Variants in CERS6 observed in about 807,000 individuals in gnomAD.
CERS6 encodes ceramide synthase 6, also known as LAG1 homolog, ceramide synthase 6.
A neutral mutation model predicts 56.8 loss-of-function variants in CERS6; 26 were observed. That is an observed-to-expected ratio of 0.46 (90% CI 0.34 to 0.63). The LOEUF is 0.63. Ranked by LOEUF, CERS6 falls within the 30% of genes least tolerant of loss-of-function variation. The pLI, the probability that CERS6 is intolerant of heterozygous loss-of-function variation, is 0.01. For missense variants in CERS6, 415 were observed against 467.5 expected, an observed-to-expected ratio of 0.89 and a Z score of 1.04; for synonymous variants, 164 against 173.3, an observed-to-expected ratio of 0.95 and a Z score of 0.42.
chr2:168,760,738 G>GTTTA (rs80269147), intron 8 of CERS6, among the ~76,000 whole-genome samples: 16,661 of 129,280 alleles, frequency 0.13, 1,644 homozygotes, highest in African/African-American at 0.27. Context: ...TTTACTGTTT[G>GTTTA]TTTATTTATT....
intron 1 of CERS6, among the ~76,000 whole-genome samples, chr2:168,517,438 G>A (rs1383679188): frequency 1.3e-5 from 2 of 151,718 alleles, no homozygotes; most frequent in East Asian, 1.9e-4. Flanking sequence ...GTCACAGTGA[G>A]CCGAGATCAT....
At chr2:168,518,881 A>G (rs138361870) in intron 1 of CERS6, among the ~76,000 whole-genome samples, 2,021 of 152,088 alleles carry the variant, frequency 0.013, 35 homozygotes, top group South Asian at 0.048. Context: ...TCCTTTATGC[A>G]TCTCTCCCAA....
intron 1 of CERS6, among the ~76,000 whole-genome samples, chr2:168,472,877 G>A (rs1024299672): frequency 6.6e-6 from 1 of 151,016 alleles, no homozygotes; most frequent in African/African-American, 2.4e-5. Context: ...GGAAACAAAG[G>A]TATCCGATAC....
At chr2:168,596,780 G>A (rs1362670237) in intron 3 of CERS6, among the ~76,000 whole-genome samples, 2 of 151,934 alleles carry the variant, frequency 1.3e-5, no homozygotes, top group Non-Finnish European at 2.9e-5. Flanking sequence ...GATCATGAAC[G>A]CTTGGCGTCC....
chr2:168,759,375 G>C (rs13412953), intron 8 of CERS6, among the ~76,000 whole-genome samples: 3,596 of 152,270 alleles, frequency 0.024, 58 homozygotes, highest in Non-Finnish European at 0.035. Flanking sequence ...ACAAACCCGC[G>C]TGAGTATGTA....
chr2:168,735,197 C>A lies in CERS6; in HGVS notation c.845+17219C>A, dbSNP rs529764579. ...CTTTGATTATTCAGTCAGTGTAGGA[C>A]TTTTTAACTCCGTGCCAGGCTCATT... On this transcript the variant is annotated intron_variant, in intron 8 of 9. Coordinates refer to ENST00000305747, the MANE Select transcript of CERS6 (RefSeq NM_203463.3). 5.9e-5 allele frequency among the ~76,000 whole-genome samples: 9 copies of A among 152,140 alleles called. No individual in the cohort carries two copies. In the East Asian group the frequency reaches 1.7e-3, roughly 29 times the overall value.
intron 8 of CERS6, among the ~76,000 whole-genome samples, chr2:168,758,733 G>A (rs1474353532): frequency 6.6e-6 from 1 of 152,148 alleles, no homozygotes; most frequent in Non-Finnish European, 1.5e-5. Context: ...CTCTTACTTG[G>A]AAGTCGCATG....
intron 3 of CERS6, among the ~76,000 whole-genome samples, chr2:168,592,189 G>A (rs761716954): frequency 3.9e-5 from 6 of 152,204 alleles, no homozygotes; most frequent in Non-Finnish European, 8.8e-5. Flanking sequence ...AGTGAACAAT[G>A]TTTTTAAGGA....
intron 3 of CERS6, among the ~76,000 whole-genome samples, chr2:168,563,175 T>C (rs1695823047): frequency 6.6e-6 from 1 of 152,212 alleles, no homozygotes; most frequent in Non-Finnish European, 1.5e-5. Flanking sequence ...GGCAGCATTT[T>C]TAACAAGTTT....
At chr2:168,626,728 T>G (rs1431862882) in intron 3 of CERS6, among the ~76,000 whole-genome samples, 1 of 152,182 alleles carries the variant, frequency 6.6e-6, no homozygotes, top group Non-Finnish European at 1.5e-5. Flanking sequence ...TTACCAGGCG[T>G]CTGGCTTTGG....
In CERS6 at chr2:168,681,543, C is replaced by T. The variant is rs1052200075; in HGVS notation, c.466-9491C>T. On this transcript the variant is annotated intron_variant, in intron 4 of 9. Transcript: ENST00000305747. ...TGCAATTTTACATATTTTTGGGGTA[C>T]GGTGTGATAGTTCAGTACATGTATA... is the stretch of plus-strand genomic sequence containing the variant. 4.6e-5 allele frequency among the ~76,000 whole-genome samples: 7 copies of T among 150,882 alleles called. No individual in the cohort carries two copies. In the East Asian group the frequency reaches 5.8e-4, roughly 12 times the overall value.
chr2:168,657,733 G>A (rs1574135652), intron 4 of CERS6, among the ~76,000 whole-genome samples: 1 of 152,232 alleles, frequency 6.6e-6, no homozygotes, highest in Non-Finnish European at 1.5e-5. Flanking sequence ...GCTGCTCCGA[G>A]TGCGGGGCCC....
intron 3 of CERS6, among the ~76,000 whole-genome samples, chr2:168,571,735 AT>A (rs1225825260): frequency 1.3e-5 from 2 of 152,204 alleles, no homozygotes; most frequent in Admixed American, 1.3e-4. Flanking sequence ...ATATTTTGAC[AT>A]AGGCATGCCA....
intron 1 of CERS6, among the ~76,000 whole-genome samples, chr2:168,494,373 CTAGT>C (rs902912024): frequency 4.6e-5 from 7 of 152,068 alleles, no homozygotes; most frequent in Non-Finnish European, 1.0e-4. Flanking sequence ...CGACTTTGGG[CTAGT>C]TAGTTAACCT....
At chr2:168,492,247 G>A (rs1694387442) in intron 1 of CERS6, among the ~76,000 whole-genome samples, 1 of 152,174 alleles carries the variant, frequency 6.6e-6, no homozygotes, top group African/African-American at 2.4e-5. Context: ...CAGCGTAAAA[G>A]CATTCCTATT....
At chr2:168,467,138 TTGAG>T (rs1294996025) in intron 1 of CERS6, among the ~76,000 whole-genome samples, 1 of 152,208 alleles carries the variant, frequency 6.6e-6, no homozygotes, top group African/African-American at 2.4e-5. Flanking sequence ...GGGGAAGTCT[TTGAG>T]AGAAGAGGAG....
chr2:168,688,986 C>A (rs1686428197), intron 4 of CERS6, among the ~76,000 whole-genome samples: 1 of 152,182 alleles, frequency 6.6e-6, no homozygotes. Context: ...TTTTCTGCAT[C>A]ATTTAGAGTT....
intron 2 of CERS6, among the ~76,000 whole-genome samples, chr2:168,558,873 A>C (rs930200284): frequency 6.6e-6 from 1 of 152,214 alleles, no homozygotes; most frequent in Non-Finnish European, 1.5e-5. Context: ...TGTCACACAC[A>C]CAAAAAAGAA....
rs76243738 is a variant in CERS6 at position 168,488,602 on chromosome 2, G to A, written c.170+31984G>A. On this transcript the variant is annotated intron_variant, in intron 1 of 9. Transcript: ENST00000305747. ...CACACCATTTTGTTATTTGTTTTCC[G>A]TGTATTCCCTCAGTTATTTGTTTCT... 3.1e-3 allele frequency among the ~76,000 whole-genome samples: 465 copies of A among 152,022 alleles called. 2 individuals are homozygous for A. The highest frequency in any genetic ancestry group is 0.011 in the African/African-American group (442 of 41,518).
Sources: allele counts gnomAD v4.1 joint callset (sites outside exome capture counted in the v4.1 genomes callset), GRCh38; gene constraint gnomAD v4.1.1; transcripts MANE v1.5; gene names NCBI Gene and HGNC (gene_info 2026-07-23, HGNC 2026-07-21).